Variants in STK39 observed in about 807,000 individuals in gnomAD.
The protein encoded by STK39 is STE20/SPS1-related proline-alanine-rich protein kinase.
In STK39, 20 loss-of-function variants were observed where a neutral mutation model predicts 77.8. The observed-to-expected ratio is 0.26, with a 90% confidence interval of 0.18 to 0.37. The LOEUF (loss-of-function observed/expected upper bound fraction) is 0.37, where lower values mean the gene tolerates loss of function less well. Ranked by LOEUF, STK39 falls within the 10% of genes least tolerant of loss-of-function variation. The pLI, the probability that STK39 is intolerant of heterozygous loss-of-function variation, is 1.00. For synonymous variants in STK39, 246 were observed against 234.1 expected, an observed-to-expected ratio of 1.05 and a Z score of -0.47; for missense variants, 479 against 656.5, an observed-to-expected ratio of 0.73 and a Z score of 2.95.
chr2:168,084,915 G>C (rs940596523), intron 10 of STK39, among the ~76,000 whole-genome samples: 1 of 152,156 alleles, frequency 6.6e-6, no homozygotes, highest in African/African-American at 2.4e-5. Context: ...ACCTTCTGAG[G>C]ATCTTAATAG....
intron 16 of STK39, among the ~76,000 whole-genome samples, chr2:167,966,150 A>G (rs995916180): frequency 2.6e-5 from 4 of 152,124 alleles, no homozygotes; most frequent in African/African-American, 9.7e-5. Flanking sequence ...GCAAGCACAC[A>G]CATATCGGGT....
intron 1 of STK39, among the ~76,000 whole-genome samples, chr2:168,234,937 G>C (rs1328295382): frequency 2.0e-5 from 3 of 151,096 alleles, no homozygotes; most frequent in African/African-American, 7.3e-5. Context: ...AGAATCACTT[G>C]AGACCAGGAG....
At chr2:168,004,750 AT>A (rs1209192831) in intron 16 of STK39, among the ~76,000 whole-genome samples, 353 of 145,214 alleles carry the variant, frequency 2.4e-3, no homozygotes, top group Non-Finnish European at 2.4e-3. Context: ...AAAAAAAAAA[AT>A]TAAAATATAA....
At chr2:168,063,625 T>TA in intron 13 of STK39, 55 bp from the exon 14 acceptor site, 1 of 1,401,142 alleles carries the variant, frequency 7.1e-7, no homozygotes, top group South Asian at 1.2e-5. Context: ...AAGGAATGAA[T>TA]AAAATCACAA....
At chr2:168,005,413 G>C (rs1282261995) in intron 16 of STK39, among the ~76,000 whole-genome samples, 1 of 126,124 alleles carries the variant, frequency 7.9e-6, no homozygotes, top group African/African-American at 3.5e-5. Flanking sequence ...AAAACGCAGA[G>C]AGGAAAAAAA....
intron 5 of STK39, among the ~76,000 whole-genome samples, chr2:168,159,201 C>T (rs1020804470): frequency 6.6e-6 from 1 of 152,086 alleles, no homozygotes; most frequent in African/African-American, 2.4e-5. Flanking sequence ...TTAACTTCTC[C>T]CCTGCTTAAC....
chr2:168,017,824 C>T (rs912151675), intron 14 of STK39, among the ~76,000 whole-genome samples: 4 of 152,034 alleles, frequency 2.6e-5, no homozygotes, highest in African/African-American at 9.7e-5. Context: ...AAGCACTACA[C>T]ATTAAATCAT....
rs1036421358 is a variant in STK39 at position 168,006,656 on chromosome 2, G to C, written c.1498+5978C>G. ...CAAATTTATGCATGCATGTCCTCTA[G>C]TTTTTCATCTTGCAAACTTTTTTAA... On this transcript the variant is annotated intron_variant, in intron 16 of 17. Coordinates refer to ENST00000355999, the MANE Select transcript of STK39 (RefSeq NM_013233.3). Among the ~76,000 whole-genome samples, 3 of 152,190 alleles carry C rather than the reference G, an allele frequency of 2.0e-5. No homozygotes were observed. In the South Asian group the frequency reaches 6.2e-4, roughly 31 times the overall value.
chr2:168,117,652 T>C (rs963952780), intron 10 of STK39, among the ~76,000 whole-genome samples: 1 of 152,004 alleles, frequency 6.6e-6, no homozygotes. Context: ...GAGATACAAG[T>C]GTAGGGAGAG....
intron 10 of STK39, among the ~76,000 whole-genome samples, chr2:168,090,545 G>A (rs2105432555): frequency 6.6e-6 from 1 of 152,326 alleles, no homozygotes; most frequent in African/African-American, 2.4e-5. Flanking sequence ...AACTCGAGCA[G>A]TCAACAGAAA....
At chr2:168,153,783 G>A (rs1559123084) in intron 5 of STK39, among the ~76,000 whole-genome samples, 2 of 152,108 alleles carry the variant, frequency 1.3e-5, no homozygotes, top group East Asian at 1.9e-4. Flanking sequence ...AAGGTAAGGA[G>A]GCCGATTTGA....
At chr2:168,183,356 C>T (rs1689131187) in intron 1 of STK39, among the ~76,000 whole-genome samples, 1 of 152,160 alleles carries the variant, frequency 6.6e-6, no homozygotes, top group Admixed American at 6.6e-5. Context: ...CCACCCACTG[C>T]ACAGTAGACA....
chr2:168,169,631 C>CGTGTGTGTGTGT (rs10611769), intron 2 of STK39, among the ~76,000 whole-genome samples: 7,143 of 145,840 alleles, frequency 0.049, 347 homozygotes, highest in African/African-American at 0.12. Context: ...TTGCAGTGAG[C>CGTGTGTGTGTGT]GTGTGTGTGT....
At chr2:167,961,497 C>T (rs2105523901) in intron 17 of STK39, among the ~76,000 whole-genome samples, 1 of 152,222 alleles carries the variant, frequency 6.6e-6, no homozygotes, top group South Asian at 2.1e-4. Context: ...GGAAGATTCA[C>T]CTACTTACAA....
intron 5 of STK39, among the ~76,000 whole-genome samples, chr2:168,150,590 C>T (rs1028257358): frequency 6.6e-6 from 1 of 152,004 alleles, no homozygotes; most frequent in African/African-American, 2.4e-5. Context: ...ATTTATGTGG[C>T]ACTACTCCTT....
At chr2:168,202,448 CTG>C (rs1433786570) in intron 1 of STK39, among the ~76,000 whole-genome samples, 1 of 152,068 alleles carries the variant, frequency 6.6e-6, no homozygotes, top group Non-Finnish European at 1.5e-5. Context: ...CATTTTATGT[CTG>C]AGAAAACTAA....
rs758035057 is a variant in STK39, at chr2:168,138,081, C to G, written c.974+7G>C. The G allele has an allele frequency of 6.2e-7, 1 of 1,612,884 alleles. No homozygotes were observed. The highest frequency in any genetic ancestry group is 1.3e-5 in the African/African-American group (1 of 74,906). On this transcript the variant is annotated splice_region_variant and intron_variant, in intron 8 of 17. Transcript: ENST00000355999. Reference sequence around the variant, plus strand: ...GGTCATTAACTCATCCACTAAGTTTCACTTACCTTTTGGAAGGATCTTTCT... The same window carrying G: ...GGTCATTAACTCATCCACTAAGTTTGACTTACCTTTTGGAAGGATCTTTCT...
chr2:168,052,519 A>T (rs141432876), intron 14 of STK39, among the ~76,000 whole-genome samples: 96 of 152,358 alleles, frequency 6.3e-4, no homozygotes, highest in Admixed American at 2.7e-3. Flanking sequence ...TTTCCACCAC[A>T]ATGTCAAAAA....
chr2:168,107,955 T>C (rs545633078), intron 10 of STK39, among the ~76,000 whole-genome samples: 83 of 152,332 alleles, frequency 5.4e-4, no homozygotes, highest in African/African-American at 1.9e-3. Flanking sequence ...TCTCAACGTG[T>C]ATGGTCAAAT....
Sources: allele counts gnomAD v4.1 joint callset (sites outside exome capture counted in the v4.1 genomes callset), GRCh38; gene constraint gnomAD v4.1.1; transcripts MANE v1.5; gene names NCBI Gene and HGNC (gene_info 2026-07-23, HGNC 2026-07-21).